Variants in CCDC18 observed in about 807,000 individuals in gnomAD.
CCDC18 encodes coiled-coil domain containing 18.
Under a neutral mutation model 196.0 loss-of-function variants are expected in CCDC18, and 157 were observed. The ratio of observed to expected loss-of-function variants is 0.80; its 90% confidence interval spans 0.70 to 0.91. CCDC18 has a LOEUF of 0.91. Among genes scored for constraint, CCDC18 ranks in the 40% least tolerant of loss-of-function variants. The pLI, the probability that CCDC18 is intolerant of heterozygous loss-of-function variation, is 0.00. For synonymous variants in CCDC18, 482 were observed against 529.2 expected, an observed-to-expected ratio of 0.91 and a Z score of 1.22; for missense variants, 1,465 against 1,611.6, an observed-to-expected ratio of 0.91 and a Z score of 1.56.
chr1:93,214,068 G>T (rs975837493), intron 11 of CCDC18, among the ~76,000 whole-genome samples: 20 of 152,096 alleles, frequency 1.3e-4, no homozygotes, highest in African/African-American at 3.9e-4. Flanking sequence ...TGGAGAAGGG[G>T]CATGGTCAAG....
intron 7 of CCDC18, among the ~76,000 whole-genome samples, chr1:93,202,900 A>G (rs549314613): frequency 6.6e-6 from 1 of 152,324 alleles, no homozygotes; most frequent in East Asian, 1.9e-4. Context: ...TGAAGGTGGC[A>G]GTGGTTAATA....
At position 93,190,941 on chromosome 1, in the gene CCDC18, T is replaced by G. The variant is rs1651653342; in HGVS notation, c.463-1059T>G. On this transcript the variant is annotated intron_variant, in intron 4 of 28. Transcript: ENST00000690025. The stretch of plus-strand genomic sequence containing the variant: ...CATAACCACTCTGCTTCCTGTCATA[T>G]CGACACTTTCCCTGGGCATACAGAG... 3.6e-6 allele frequency: 3 copies of G among 838,474 alleles called. No individual in the cohort carries two copies. The African/African-American group carries it at 4.8e-5, about 13-fold the overall frequency. 51.9% of individuals were successfully genotyped at this position (838,474 alleles called of 1,614,324 possible).
intron 3 of CCDC18, among the ~76,000 whole-genome samples, chr1:93,184,769 T>C (rs1233243508): frequency 1.3e-5 from 2 of 152,018 alleles, no homozygotes; most frequent in Non-Finnish European, 2.9e-5. Context: ...TTTTTGGATA[T>C]GTATTTGCTC....
At chr1:93,268,908 C>T (rs1339892324) in intron 27 of CCDC18, among the ~76,000 whole-genome samples, 7 of 152,092 alleles carry the variant, frequency 4.6e-5, no homozygotes, top group African/African-American at 1.7e-4. Context: ...CCATTTGACC[C>T]AGCCATCCCA....
intron 27 of CCDC18, among the ~76,000 whole-genome samples, chr1:93,269,021 C>T (rs903032477): frequency 1.3e-5 from 2 of 152,022 alleles, no homozygotes; most frequent in Admixed American, 6.6e-5. Context: ...GACTTGGAAC[C>T]AACCCAAATG....
intron 28 of CCDC18, among the ~76,000 whole-genome samples, chr1:93,276,184 A>G (rs2101588868): frequency 6.6e-6 from 1 of 152,374 alleles, no homozygotes; most frequent in African/African-American, 2.4e-5. Context: ...ATACATGAGA[A>G]GTGTTTAATA....
At chr1:93,252,964 G>C (rs974813276) in intron 23 of CCDC18, among the ~76,000 whole-genome samples, 2 of 152,242 alleles carry the variant, frequency 1.3e-5, no homozygotes, top group Non-Finnish European at 2.9e-5. Flanking sequence ...GGGAATGCTT[G>C]CCAGGGACCC....
chr1:93,184,133 A>G lies in CCDC18; in HGVS notation c.290A>G (p.Lys97Arg), dbSNP rs1437118716. Reference protein sequence around the residue: ...ISGSSTDFQKKPRDKMFSSSA... With the variant: ...ISGSSTDFQKRPRDKMFSSSA... ...GGTAGCAGCACTGATTTTCAAAAAAAGCCAAGAGATAAGGTTATTGTTTTT... is the reference window on the plus strand; with the variant it reads ...GGTAGCAGCACTGATTTTCAAAAAAGGCCAAGAGATAAGGTTATTGTTTTT... The change falls in exon 3 of 29, where the codon AAG becomes AGG. Residue 97 changes from lysine (K) to arginine (R), a missense_variant. Lys to Arg is a conservative substitution (Grantham distance 26). Transcript: ENST00000690025. The G allele has an allele frequency of 6.6e-7, 1 of 1,518,440 alleles. No individual in the cohort carries two copies. The highest frequency in any genetic ancestry group is 1.8e-5 in the Admixed American group (1 of 55,070). 94.1% of individuals were successfully genotyped at this position (1,518,440 alleles called of 1,614,324 possible).
Position 93,186,349 on chromosome 1 carries a change from T to G in CCDC18, c.308T>G (p.Phe103Cys), listed in dbSNP as rs1650673930. ...DFQKKPRDKM[F>C]SSSAPVDQEI... ...TGTTCTTTTTCATTCTTTCAGATGT[T>G]TTCATCTTCTGCCCCTGTGGATCAG... is the stretch of plus-strand genomic sequence containing the variant. Residue 103 changes from phenylalanine to cysteine, a missense_variant, in exon 4 of 29, where the codon TTT becomes TGT. Coordinates refer to ENST00000690025, the MANE Select transcript of CCDC18 (RefSeq NM_001378204.1). The G allele has an allele frequency of 7.5e-6, 12 of 1,610,138 alleles. No homozygotes were observed. Among genetic ancestry groups the G allele is most frequent in the Non-Finnish European group, 1.0e-5 (12 of 1,178,208 alleles).
At chr1:93,210,704 A>G (rs1655473949) in intron 9 of CCDC18, 98 bp from the exon 10 acceptor site, 1 of 815,900 alleles carries the variant, frequency 1.2e-6, no homozygotes, top group South Asian at 1.8e-5. Context: ...AGTTGTTTCC[A>G]TTAAATTCAT....
chr1:93,264,667 A>AT (rs746113534), intron 26 of CCDC18, 34 bp from the exon 27 acceptor site: 45 of 1,319,792 alleles, frequency 3.4e-5, no homozygotes, highest in Non-Finnish European at 4.3e-5. Context: ...CCATTTTTTT[A>AT]TTTTTTTTCT....
chr1:93,207,183 CAACT>C lies in CCDC18; in HGVS notation c.999_1002del (p.Thr334AsnfsTer7), dbSNP rs1557625827. On this transcript the variant is annotated frameshift_variant, in exon 9 of 29. Coordinates refer to ENST00000690025, the MANE Select transcript of CCDC18 (RefSeq NM_001378204.1). LOFTEE classifies it high-confidence loss of function. ...AGTGAAAAATTCAGAAGTCATGGCA[CAACT>C]AACTGAATCTAGACAAAGTATTTTG... 6.2e-7 allele frequency: 1 copy of C among 1,609,080 alleles called. No individual in the cohort carries two copies.
intron 23 of CCDC18, 42 bp from the exon 24 acceptor site, chr1:93,254,429 T>A (rs761540692): frequency 1.2e-4 from 164 of 1,416,218 alleles, no homozygotes; most frequent in Non-Finnish European, 1.5e-4. Flanking sequence ...TAAATTACAT[T>A]TCATTAATTT....
chr1:93,188,584 T>C (rs943724457), intron 4 of CCDC18, among the ~76,000 whole-genome samples: 3 of 152,238 alleles, frequency 2.0e-5, no homozygotes, highest in African/African-American at 7.2e-5. Flanking sequence ...TATCTTCCAG[T>C]GCCACTTTGA....
At chr1:93,267,305 G>GC (rs1664660066) in intron 27 of CCDC18, among the ~76,000 whole-genome samples, 1 of 152,128 alleles carries the variant, frequency 6.6e-6, no homozygotes, top group South Asian at 2.1e-4. Flanking sequence ...AATAATAAGA[G>GC]CTATTTATTA....
At chr1:93,216,014 C>T (rs943600282) in intron 12 of CCDC18, among the ~76,000 whole-genome samples, 1 of 152,202 alleles carries the variant, frequency 6.6e-6, no homozygotes, top group Non-Finnish European at 1.5e-5. Flanking sequence ...TATAGGTACA[C>T]TTTTTAAATA....
At chr1:93,227,967 A>ATAT (rs1176767918) in intron 17 of CCDC18, among the ~76,000 whole-genome samples, 33 of 108,712 alleles carry the variant, frequency 3.0e-4, no homozygotes, top group African/African-American at 1.7e-3. Context: ...CAAAAAAAAA[A>ATAT]AAAAATATAT....
intron 7 of CCDC18, among the ~76,000 whole-genome samples, chr1:93,202,623 A>T (rs774705226): frequency 9.2e-5 from 14 of 152,192 alleles, no homozygotes; most frequent in Admixed American, 2.6e-4. Context: ...TATGATTCTG[A>T]TCCAAGAAAG....
chr1:93,250,104 T>A (rs949037280), intron 23 of CCDC18, among the ~76,000 whole-genome samples: 1 of 152,102 alleles, frequency 6.6e-6, no homozygotes, highest in Non-Finnish European at 1.5e-5. Flanking sequence ...TTTCTACCTT[T>A]AAAATTTGAT....
Sources: gnomAD v4.1 joint callset for allele counts (sites outside exome capture counted in the v4.1 genomes callset) on GRCh38, gnomAD v4.1.1 for gene constraint, MANE v1.5 for transcripts, NCBI Gene and HGNC (gene_info 2026-07-23, HGNC 2026-07-21) for gene names.